SCFD2: variants seen among roughly 807,000 people sequenced by gnomAD.
SCFD2 encodes the protein sec1 family domain containing 2, also known as sec1 family domain-containing protein 2.
A neutral mutation model predicts 58.9 loss-of-function variants in SCFD2; 54 were observed. The ratio of observed to expected loss-of-function variants is 0.92; its 90% CI spans 0.74 to 1.15. The LOEUF (loss-of-function observed/expected upper bound fraction) is 1.15, where lower values mean the gene tolerates loss of function less well. SCFD2 is among the 50% of genes most tolerant of loss of function. SCFD2 has a pLI of 0.00. For missense variants in SCFD2, 805 were observed against 836.6 expected, an observed-to-expected ratio of 0.96 and a Z score of 0.47; for synonymous variants, 321 against 335.9, an observed-to-expected ratio of 0.96 and a Z score of 0.49.
intron 3 of SCFD2, among the ~76,000 whole-genome samples, chr4:53,298,045 A>T (rs1475235375): frequency 6.6e-6 from 1 of 152,134 alleles, no homozygotes; most frequent in African/African-American, 2.4e-5. Flanking sequence ...TGATTTCTGC[A>T]TTTCCAACTG....
At chr4:53,031,780 G>C (rs1165347456) in intron 5 of SCFD2, among the ~76,000 whole-genome samples, 3 of 152,176 alleles carry the variant, frequency 2.0e-5, no homozygotes, top group Non-Finnish European at 4.4e-5. Flanking sequence ...AGAACTATGG[G>C]ACTAGGTGAA....
intron 5 of SCFD2, among the ~76,000 whole-genome samples, chr4:53,083,747 G>T (rs1275682993): frequency 6.6e-6 from 1 of 152,162 alleles, no homozygotes; most frequent in African/African-American, 2.4e-5. Flanking sequence ...ATATCAGTAG[G>T]ACTGTGATGC....
chr4:53,243,176 T>C (rs916631440), intron 4 of SCFD2, among the ~76,000 whole-genome samples: 5 of 152,086 alleles, frequency 3.3e-5, no homozygotes, highest in African/African-American at 1.2e-4. Context: ...AGACACATAA[T>C]TAACAGATTC....
intron 5 of SCFD2, among the ~76,000 whole-genome samples, chr4:53,014,047 A>C (rs1349880313): frequency 6.6e-6 from 1 of 152,208 alleles, no homozygotes; most frequent in Non-Finnish European, 1.5e-5. Context: ...GGTGCTGAGC[A>C]TGTGTTGGGT....
intron 6 of SCFD2, among the ~76,000 whole-genome samples, chr4:52,914,250 A>G (rs532950972): frequency 6.6e-6 from 1 of 152,356 alleles, no homozygotes; most frequent in African/African-American, 2.4e-5. Flanking sequence ...ATTTGATAGA[A>G]AGCCAGAGCT....
In SCFD2 at chr4:53,304,324, G is replaced by T. The variant is rs1246870244; in HGVS notation, c.1135+9312C>A. On this transcript the variant is annotated intron_variant, in intron 3 of 8. Transcript: ENST00000401642. ...TGTGTCTTGGGGTTGCTCTTCTCAA[G>T]GAGTATCTTCGTGGTGTTCTCTGTA... 3.9e-5 allele frequency among the ~76,000 whole-genome samples: 6 copies of T among 152,112 alleles called. No individual in the cohort carries two copies. In the South Asian group the frequency reaches 1.2e-3, roughly 32 times the overall value.
At chr4:53,183,205 A>G (rs1393989351) in intron 4 of SCFD2, among the ~76,000 whole-genome samples, 1 of 152,240 alleles carries the variant, frequency 6.6e-6, no homozygotes, top group Non-Finnish European at 1.5e-5. Context: ...ACGCACACGT[A>G]TGTTTATATC....
intron 4 of SCFD2, among the ~76,000 whole-genome samples, chr4:53,261,734 G>A (rs1292787002): frequency 6.6e-6 from 1 of 152,132 alleles, no homozygotes; most frequent in Non-Finnish European, 1.5e-5. Flanking sequence ...TATCTGTTAA[G>A]TCCATTTGTT....
At chr4:53,272,024 T>C (rs572308144) in intron 4 of SCFD2, among the ~76,000 whole-genome samples, 3 of 151,736 alleles carry the variant, frequency 2.0e-5, no homozygotes, top group African/African-American at 4.8e-5. Flanking sequence ...ACAAACAACC[T>C]CATCAAAAAG....
intron 4 of SCFD2, among the ~76,000 whole-genome samples, chr4:53,238,927 G>C (rs1207333488): frequency 2.6e-5 from 4 of 152,118 alleles, no homozygotes; most frequent in Non-Finnish European, 5.9e-5. Flanking sequence ...TGGGCGGCCA[G>C]GCAGAGATGC....
chr4:53,066,103 A>G (rs2148845127), intron 5 of SCFD2, among the ~76,000 whole-genome samples: 1 of 152,254 alleles, frequency 6.6e-6, no homozygotes, highest in Middle Eastern at 3.4e-3. Context: ...CCGTGAAAAT[A>G]ATCACAGATG....
chr4:53,331,743 A>G (rs371318312), intron 2 of SCFD2, among the ~76,000 whole-genome samples: 2 of 152,158 alleles, frequency 1.3e-5, no homozygotes, highest in Admixed American at 6.5e-5. Flanking sequence ...AAATAACTAA[A>G]ATCAGAGCAG....
At chr4:53,173,248 T>C (rs1727231835) in intron 4 of SCFD2, among the ~76,000 whole-genome samples, 1 of 152,196 alleles carries the variant, frequency 6.6e-6, no homozygotes. Flanking sequence ...AAGTGCATTT[T>C]TGACTTAAAA....
intron 5 of SCFD2, among the ~76,000 whole-genome samples, chr4:53,056,893 A>T (rs1460155394): frequency 6.6e-6 from 1 of 152,106 alleles, no homozygotes; most frequent in African/African-American, 2.4e-5. Context: ...CAAAGACAAA[A>T]ATATCACAGG....
At chr4:53,312,191 T>C (rs1233636654) in intron 3 of SCFD2, among the ~76,000 whole-genome samples, 1 of 152,198 alleles carries the variant, frequency 6.6e-6, no homozygotes, top group Non-Finnish European at 1.5e-5. Flanking sequence ...CATGTCTGTC[T>C]GCTAAATTGT....
chr4:52,930,963 T>A (rs1486373697), intron 5 of SCFD2, among the ~76,000 whole-genome samples: 2 of 152,140 alleles, frequency 1.3e-5, no homozygotes, highest in African/African-American at 4.8e-5. Context: ...CGTTTCGACT[T>A]TGGGACCTTT....
chr4:53,323,107 T>C (rs1325595328), intron 2 of SCFD2, among the ~76,000 whole-genome samples: 2 of 152,254 alleles, frequency 1.3e-5, no homozygotes, highest in African/African-American at 4.8e-5. Flanking sequence ...TGCACATTTG[T>C]ATGAAGCTTC....
rs766729924 is a variant in SCFD2, at chr4:53,017,095, G to A, written c.1562-96225C>T. ...TGCACTCCAGCCTGGGCAACAGAGC[G>A]AGACTCCGTCTCACACACACACACA... On this transcript the variant is annotated intron_variant, in intron 5 of 8. Coordinates refer to ENST00000401642, the MANE Select transcript of SCFD2 (RefSeq NM_152540.4). Among the ~76,000 whole-genome samples the A allele has an allele frequency of 6.8e-5, 10 of 147,028 alleles. No individual in the cohort carries two copies. The East Asian group carries it at 1.9e-3, about 29-fold the overall frequency.
At chr4:53,110,947 T>C (rs559783414) in intron 5 of SCFD2, among the ~76,000 whole-genome samples, 3 of 152,140 alleles carry the variant, frequency 2.0e-5, no homozygotes, top group Non-Finnish European at 4.4e-5. Flanking sequence ...CAAATGCTCA[T>C]CAATGATAGA....
Sources: gnomAD v4.1 joint callset for allele counts (sites outside exome capture counted in the v4.1 genomes callset) on GRCh38, gnomAD v4.1.1 for gene constraint, MANE v1.5 for transcripts, NCBI Gene and HGNC (gene_info 2026-07-23, HGNC 2026-07-21) for gene names.